Variants in PCDHGB7 observed in about 807,000 individuals in gnomAD.
The protein encoded by PCDHGB7 is protocadherin gamma-B7.
PCDHGB7 carries 37 observed loss-of-function variants against 61.4 expected under a neutral mutation model. The observed-to-expected ratio is 0.60, with a 90% CI of 0.46 to 0.79. The LOEUF (loss-of-function observed/expected upper bound fraction) is 0.79. PCDHGB7 is among the 30% of genes least tolerant of loss of function. The probability of loss-of-function intolerance (pLI) is 0.00; values close to 1 mark genes in which losing one functional copy is unlikely to be tolerated. For missense variants in PCDHGB7, 1,166 were observed against 1,202.5 expected, an observed-to-expected ratio of 0.97 and a Z score of 0.45; for synonymous variants, 464 against 503.5, an observed-to-expected ratio of 0.92 and a Z score of 1.05.
Position 141,489,828 on chromosome 5 carries a change from A to G in PCDHGB7, c.2416-4979A>G. The G allele has an allele frequency of 1.9e-6, 3 of 1,614,010 alleles. No homozygotes were observed. The highest frequency in any genetic ancestry group is 1.1e-5 in the South Asian group (1 of 91,080). ...GGAAGCCATTCCCAGAGCTGGTGCTAGAGCAGCAGCTGGATCGTGAAGCCC... is the reference window on the plus strand; with the variant it reads ...GGAAGCCATTCCCAGAGCTGGTGCTGGAGCAGCAGCTGGATCGTGAAGCCC... On this transcript the variant is annotated intron_variant, in intron 1 of 3. Transcript: ENST00000398594. The surrounding 1 kb of genome is among the most constrained non-coding windows in gnomAD (Gnocchi z 4.5).
At chr5:141,492,218 T>C (rs2099738354) in intron 1 of PCDHGB7, among the ~76,000 whole-genome samples, 1 of 152,114 alleles carries the variant, frequency 6.6e-6, no homozygotes. Flanking sequence ...GCGGGGCTCA[T>C]GCGTGTCCTC....
chr5:141,499,253 T>C (rs1189676230), intron 2 of PCDHGB7, among the ~76,000 whole-genome samples: 1 of 152,030 alleles, frequency 6.6e-6, no homozygotes, highest in Non-Finnish European at 1.5e-5. Context: ...ACAAAGAGTC[T>C]CCATTTGGTC....
chr5:141,456,878 G>A (rs71583646), intron 1 of PCDHGB7, among the ~76,000 whole-genome samples: 21 of 152,162 alleles, frequency 1.4e-4, no homozygotes, highest in African/African-American at 2.4e-4. Flanking sequence ...CAGGAGAATC[G>A]CTTGAACCCG....
At position 141,418,622 on chromosome 5, in the gene PCDHGB7, G is replaced by A; in HGVS notation, c.763G>A (p.Val255Met). Reference sequence around the variant, plus strand: ...GTACAGGGTTAGCCTTCGGGAAGACGTGCCTCCAGGCACCTCCATCCTGAG... The same window carrying A: ...GTACAGGGTTAGCCTTCGGGAAGACATGCCTCCAGGCACCTCCATCCTGAG... ...DVYRVSLRED[V>M]PPGTSILRVK... The change falls in exon 1 of 4, where the codon GTG becomes ATG. Residue 255 changes from valine to methionine, a missense_variant. Transcript: ENST00000398594. 4 of 1,614,026 alleles carry A rather than the reference G, an allele frequency of 2.5e-6. No individual in the cohort carries two copies. The highest frequency in any genetic ancestry group is 3.4e-6 in the Non-Finnish European group (4 of 1,179,892).
chr5:141,453,288 A>G (rs931678565), intron 1 of PCDHGB7, among the ~76,000 whole-genome samples: 1 of 151,342 alleles, frequency 6.6e-6, no homozygotes, highest in Non-Finnish European at 1.5e-5. Context: ...TAATTTTTTA[A>G]TTATTTATTT....
chr5:141,430,258 A>T (rs542653323), intron 1 of PCDHGB7, among the ~76,000 whole-genome samples: 1 of 147,968 alleles, frequency 6.8e-6, no homozygotes, highest in Non-Finnish European at 1.5e-5. Flanking sequence ...AGACATCTCC[A>T]TAATAGGTGT....
intron 1 of PCDHGB7, chr5:141,422,206 G>A (rs1269700250): frequency 6.4e-7 from 1 of 1,562,324 alleles, no homozygotes; most frequent in Non-Finnish European, 8.6e-7. Flanking sequence ...AGATGGTGGA[G>A]GTCTCTTTAC....
At position 141,420,340 on chromosome 5, in the gene PCDHGB7, G is replaced by A. The variant is rs1405507680; in HGVS notation, c.2415+66G>A. ...ATATGCCAATATATTCCAATATAGT[G>A]GTATTATTTTAAGATTCTAGATAAC... On this transcript the variant is annotated intron_variant, in intron 1 of 3. Transcript: ENST00000398594. The A allele has an allele frequency of 2.9e-6, 4 of 1,387,388 alleles. No homozygotes were observed. In the African/African-American group the frequency reaches 4.4e-5, roughly 15 times the overall value. 85.9% of individuals were successfully genotyped at this position (1,387,388 alleles called of 1,614,324 possible). A position where few individuals can be genotyped will look rare whatever the true frequency, so the allele number is the denominator to read the frequency against.
chr5:141,454,644 G>T (rs183290309), intron 1 of PCDHGB7, among the ~76,000 whole-genome samples: 2 of 151,892 alleles, frequency 1.3e-5, no homozygotes, highest in South Asian at 2.1e-4. Flanking sequence ...AACCTCAGGT[G>T]ATCTGCCCAC....
rs2099615088 is a variant in PCDHGB7, at chr5:141,485,526, G to A, written c.2416-9281G>A. On this transcript the variant is annotated intron_variant, in intron 1 of 3. Coordinates refer to ENST00000398594, the MANE Select transcript of PCDHGB7 (RefSeq NM_018927.4). The surrounding 1 kb of genome is among the most constrained non-coding windows in gnomAD (Gnocchi z 5.7). Reference sequence around the variant, plus strand: ...ACCGAAGGTCCTTTGGAAATGTACCGAGCAGAGGTAGAGATCGTAGATGTG... The same window carrying A: ...ACCGAAGGTCCTTTGGAAATGTACCAAGCAGAGGTAGAGATCGTAGATGTG... 6.2e-7 allele frequency: 1 copy of A among 1,614,154 alleles called. No individual in the cohort carries two copies. The highest frequency in any genetic ancestry group is 2.2e-5 in the East Asian group (1 of 44,880).
At chr5:141,427,450 C>A in intron 1 of PCDHGB7, 1 of 486,442 alleles carries the variant, frequency 2.1e-6, no homozygotes, top group Non-Finnish European at 4.0e-6. Context: ...GAAAGAGTTC[C>A]TTTTAGAATC....
chr5:141,497,197 A>G (rs1243476120), intron 2 of PCDHGB7, among the ~76,000 whole-genome samples: 2 of 106,804 alleles, frequency 1.9e-5, no homozygotes, highest in African/African-American at 5.7e-5. Flanking sequence ...GCAGAGAACA[A>G]TGTGAGTGTA....
intron 1 of PCDHGB7, among the ~76,000 whole-genome samples, chr5:141,465,300 G>A (rs904996219): frequency 1.3e-5 from 2 of 152,112 alleles, no homozygotes; most frequent in Non-Finnish European, 2.9e-5. Flanking sequence ...TGAGAGTCCT[G>A]GGAATTTAGC....
chr5:141,476,952 T>A lies in PCDHGB7; in HGVS notation c.2416-17855T>A, dbSNP rs1463851594. On this transcript the variant is annotated intron_variant, in intron 1 of 3. Transcript: ENST00000398594. This position sits in a 1 kb window ranked among gnomAD's most constrained non-coding sequence, Gnocchi z 7.6. ...CTGGATGAAGGCCCCAACGGTGAAA[T>A]TATTTACTCCTTCGGCAGCCACAAC... 1 of 1,614,052 alleles carries A rather than the reference T, an allele frequency of 6.2e-7. No individual in the cohort carries two copies. Among genetic ancestry groups the A allele is most frequent in the Non-Finnish European group, 8.5e-7 (1 of 1,180,038 alleles).
intron 1 of PCDHGB7, among the ~76,000 whole-genome samples, chr5:141,456,940 G>A (rs1284610928): frequency 6.6e-6 from 1 of 152,138 alleles, no homozygotes; most frequent in Non-Finnish European, 1.5e-5. Context: ...TCCAGCCTGG[G>A]CAACAGAGCA....
intron 1 of PCDHGB7, among the ~76,000 whole-genome samples, chr5:141,454,032 C>T (rs2098780173): frequency 6.6e-6 from 1 of 152,126 alleles, no homozygotes; most frequent in Non-Finnish European, 1.5e-5. Flanking sequence ...AAGAATTGGC[C>T]AGCAAAGATA....
chr5:141,464,053 T>C (rs111614367), intron 1 of PCDHGB7, among the ~76,000 whole-genome samples: 9,857 of 152,054 alleles, frequency 0.065, 668 homozygotes, highest in African/African-American at 0.17. Flanking sequence ...TCACCTGAGG[T>C]CAGGAGTTCA....
Position 141,422,522 on chromosome 5 carries a change from C to T in PCDHGB7, c.2415+2248C>T, listed in dbSNP as rs767482856. On this transcript the variant is annotated intron_variant, in intron 1 of 3. Coordinates refer to ENST00000398594, the MANE Select transcript of PCDHGB7 (RefSeq NM_018927.4). Reference sequence around the variant, plus strand: ...ACAGCCACAGACCAGGGAAGCCCGCCTTTGTCTGCAGAAACTCATGTCTGG... The same window carrying T: ...ACAGCCACAGACCAGGGAAGCCCGCTTTTGTCTGCAGAAACTCATGTCTGG... 11 of 1,614,014 alleles carry T rather than the reference C, an allele frequency of 6.8e-6. No homozygotes were observed. In the South Asian group the frequency reaches 1.1e-4, roughly 16 times the overall value.
intron 1 of PCDHGB7, among the ~76,000 whole-genome samples, chr5:141,472,924 T>G (rs1247655318): frequency 2.0e-5 from 3 of 147,960 alleles, no homozygotes; most frequent in African/African-American, 7.5e-5. Flanking sequence ...AGGAGGAGGT[T>G]GTGGTGAGCC....
Sources: allele counts gnomAD v4.1 joint callset (sites outside exome capture counted in the v4.1 genomes callset), GRCh38; gene constraint gnomAD v4.1.1; non-coding constraint Gnocchi (gnomAD v3.1); transcripts MANE v1.5; gene names NCBI Gene and HGNC (gene_info 2026-07-23, HGNC 2026-07-21).